Variants in HERC2 observed in about 807,000 individuals in gnomAD.
HERC2 encodes the protein HECT and RLD domain containing E3 ubiquitin protein ligase 2, also known as E3 ubiquitin-protein ligase HERC2.
HERC2 carries 102 observed loss-of-function variants against 537.7 expected under a neutral mutation model. The ratio of observed to expected loss-of-function variants is 0.19; its 90% CI spans 0.16 to 0.22. The LOEUF (loss-of-function observed/expected upper bound fraction) is 0.22, where lower values mean the gene tolerates loss of function less well. Among genes scored for constraint, HERC2 ranks in the 10% least tolerant of loss-of-function variants. The probability of loss-of-function intolerance (pLI) is 1.00; values close to 1 mark genes in which losing one functional copy is unlikely to be tolerated. For synonymous variants in HERC2, 2,224 were observed against 2,466.2 expected, an observed-to-expected ratio of 0.90 and a Z score of 2.91; for missense variants, 4,236 against 6,198.2, an observed-to-expected ratio of 0.68 and a Z score of 10.63.
intron 3 of HERC2, among the ~76,000 whole-genome samples, chr15:28,293,253 G>A (rs1337215572): frequency 6.6e-6 from 1 of 152,068 alleles, no homozygotes; most frequent in Non-Finnish European, 1.5e-5. Flanking sequence ...CAGCACTTTG[G>A]GAAGCCATGG....
At position 28,263,006 on chromosome 15, in the gene HERC2, A is replaced by C; in HGVS notation, c.2034T>G (p.Val678=). 1 of 1,614,152 alleles carries C rather than the reference A, an allele frequency of 6.2e-7. No homozygotes were observed. The highest frequency in any genetic ancestry group is 1.6e-4 in the Middle Eastern group (1 of 6,062). The change falls in exon 15 of 93, where the codon GTT becomes GTG. Residue 678 remains valine, a synonymous_variant. Coordinates refer to ENST00000261609, the MANE Select transcript of HERC2 (RefSeq NM_004667.6). Reference sequence around the variant, plus strand: ...GGTTGTCACCTTTTCCCCATGAATAAACTTGGCCATCTTTCGTCAAAGCAA... The same window carrying C: ...GGTTGTCACCTTTTCCCCATGAATACACTTGGCCATCTTTCGTCAAAGCAA... The part of the protein sequence containing the change: ...FSIALTKDGQ[V]YSWGKGDNQR...
At chr15:28,290,106 A>G (rs2076273269) in intron 4 of HERC2, among the ~76,000 whole-genome samples, 1 of 152,232 alleles carries the variant, frequency 6.6e-6, no homozygotes, top group South Asian at 2.1e-4. Context: ...TTGTATCTTT[A>G]AAGTTACTAA....
At position 28,116,964 on chromosome 15, in the gene HERC2, G is replaced by A. The variant is rs1324093478; in HGVS notation, c.13414+49C>T. 3 of 1,613,160 alleles carry A rather than the reference G, an allele frequency of 1.9e-6. No homozygotes were observed. The South Asian group carries it at 3.3e-5, about 18-fold the overall frequency. On this transcript the variant is annotated intron_variant, in intron 87 of 92. Transcript: ENST00000261609. Reference sequence around the variant, plus strand: ...GCCTCTGTGCTCCCTGTGGGCTCAGGCGACCACTGCCGGGGACACAGGTGC... The same window carrying A: ...GCCTCTGTGCTCCCTGTGGGCTCAGACGACCACTGCCGGGGACACAGGTGC...
intron 2 of HERC2, among the ~76,000 whole-genome samples, chr15:28,317,482 A>G (rs2077120653): frequency 6.6e-6 from 1 of 152,230 alleles, no homozygotes; most frequent in Non-Finnish European, 1.5e-5. Context: ...AGAGACAAAT[A>G]AATGGTCCCA....
rs907215676 is a variant in HERC2, at chr15:28,254,496, G to C, written c.2894C>G (p.Ala965Gly). The C allele has an allele frequency of 6.3e-7, 1 of 1,593,970 alleles. No individual in the cohort carries two copies. The highest frequency in any genetic ancestry group is 1.4e-5 in the African/African-American group (1 of 73,434). The change falls in exon 20 of 93, where the codon GCA (alanine) becomes GGA (glycine). Residue 965 changes from alanine to glycine, a missense_variant. Transcript: ENST00000261609. ...EIQDIEAKKE[A>G]QKEKEIDEQE... The stretch of plus-strand genomic sequence containing the variant: ...TTCATCAATTTCTTTTTCCTTCTGT[G>C]CTTCTTTTTTGGCTTCAATATCCTG...
intron 23 of HERC2, among the ~76,000 whole-genome samples, chr15:28,239,107 A>G (rs1003779016): frequency 2.0e-5 from 3 of 152,208 alleles, no homozygotes; most frequent in Non-Finnish European, 4.4e-5. Context: ...ATTCAAAATA[A>G]ATAAAAAATT....
chr15:28,225,834 T>C (rs1901090563), intron 35 of HERC2, among the ~76,000 whole-genome samples: 1 of 149,962 alleles, frequency 6.7e-6, no homozygotes, highest in Admixed American at 6.6e-5. Flanking sequence ...TGCCAACAAA[T>C]AAAATAGCCT....
chr15:28,263,330 A>G (rs1023956385), intron 14 of HERC2, among the ~76,000 whole-genome samples, 161 bp from the exon 15 acceptor site: 1 of 152,260 alleles, frequency 6.6e-6, no homozygotes, highest in African/African-American at 2.4e-5. Flanking sequence ...AATCTAGGTG[A>G]CACTTGAGGT....
intron 68 of HERC2, among the ~76,000 whole-genome samples, 165 bp downstream of exon 68, chr15:28,167,522 C>T (rs533828091): frequency 2.0e-5 from 3 of 152,334 alleles, no homozygotes; most frequent in South Asian, 2.1e-4. Flanking sequence ...TGACAGGGAC[C>T]GTGTCCTGCG....
intron 71 of HERC2, among the ~76,000 whole-genome samples, chr15:28,145,525 G>A (rs1891646498): frequency 6.6e-6 from 1 of 152,100 alleles, no homozygotes; most frequent in African/African-American, 2.4e-5. Flanking sequence ...ACGCCCACTG[G>A]GACCATACCA....
intron 85 of HERC2, 122 bp downstream of exon 85, chr15:28,123,915 T>A (rs1482708534): frequency 1.4e-6 from 1 of 734,608 alleles, no homozygotes; most frequent in African/African-American, 1.8e-5. Context: ...CAGGAGGCAT[T>A]CCGTGAACAT....
At chr15:28,199,146 CAA>C (rs879499898) in intron 48 of HERC2, among the ~76,000 whole-genome samples, 1 of 133,948 alleles carries the variant, frequency 7.5e-6, no homozygotes, top group East Asian at 2.1e-4. Flanking sequence ...GACCCCATCT[CAA>C]AAAAAAAAAA....
chr15:28,308,137 T>C (rs2076843204), intron 2 of HERC2, among the ~76,000 whole-genome samples: 1 of 152,242 alleles, frequency 6.6e-6, no homozygotes, highest in African/African-American at 2.4e-5. Context: ...GGTAGATTGC[T>C]TTGGGTAGTA....
chr15:28,157,932 T>C (rs1214997211), intron 69 of HERC2, among the ~76,000 whole-genome samples: 1 of 152,230 alleles, frequency 6.6e-6, no homozygotes, highest in African/African-American at 2.4e-5. Context: ...GAGATTCTGG[T>C]ATGTTGTGTC....
chr15:28,225,696 CAAAAAAAAAA>C (rs35629645), intron 35 of HERC2, among the ~76,000 whole-genome samples: 1 of 58,828 alleles, frequency 1.7e-5, no homozygotes, highest in Admixed American at 1.8e-4. Context: ...GACTCCGTCT[CAAAAAAAAAA>C]AAAAAAAAAG....
At chr15:28,211,985 G>C (rs538814021) in intron 43 of HERC2, among the ~76,000 whole-genome samples, 8 of 152,158 alleles carry the variant, frequency 5.3e-5, no homozygotes, top group African/African-American at 1.9e-4. Context: ...TTCTACAACC[G>C]AAGGAAGGCA....
chr15:28,246,610 AC>A, intron 22 of HERC2, 131 bp downstream of exon 22: 4 of 673,754 alleles, frequency 5.9e-6, no homozygotes, highest in Admixed American at 3.8e-5. Context: ...AAAAAAAAAA[AC>A]AAAGGTGAAA....
At chr15:28,169,090 G>A (rs764381540) in intron 66 of HERC2, among the ~76,000 whole-genome samples, 2 of 152,246 alleles carry the variant, frequency 1.3e-5, no homozygotes, top group Non-Finnish European at 2.9e-5. Flanking sequence ...TAGGCTGTGG[G>A]AAAGCAGCAG....
At chr15:28,299,626 G>A (rs2076564789) in intron 2 of HERC2, 110 bp from the exon 3 acceptor site, 7 of 612,762 alleles carry the variant, frequency 1.1e-5, no homozygotes, top group African/African-American at 1.9e-5. Context: ...TCGATCATTT[G>A]GTAATAAAAT....
Sources: gnomAD v4.1 joint callset for allele counts (sites outside exome capture counted in the v4.1 genomes callset) on GRCh38, gnomAD v4.1.1 for gene constraint, MANE v1.5 for transcripts, NCBI Gene and HGNC (gene_info 2026-07-23, HGNC 2026-07-21) for gene names.